ADARB2: variants seen among roughly 807,000 people sequenced by gnomAD.
ADARB2 encodes the protein adenosine deaminase RNA specific B2 (inactive).
ADARB2 carries 25 observed loss-of-function variants against 62.2 expected under a neutral mutation model. The ratio of observed to expected loss-of-function variants is 0.40; its 90% CI spans 0.29 to 0.56. The LOEUF (loss-of-function observed/expected upper bound fraction) is 0.56, where lower values mean the gene tolerates loss of function less well. Ranked by LOEUF, ADARB2 falls within the 20% of genes least tolerant of loss-of-function variation. ADARB2 has a pLI of 0.43. For missense variants in ADARB2, 1,071 were observed against 1,077.4 expected (o/e 0.99, Z 0.08); for synonymous variants, 572 against 500.8 (o/e 1.14, Z -1.90).
chr10:1,374,166 C>T (rs1832401750), intron 2 of ADARB2, among the ~76,000 whole-genome samples: 1 of 152,182 alleles, frequency 6.6e-6, no homozygotes, highest in Non-Finnish European at 1.5e-5. Context: ...TGGGCGGCAC[C>T]AGGTTTTCAG....
intron 8 of ADARB2, among the ~76,000 whole-genome samples, chr10:1,199,215 C>CCT (rs1564217566): frequency 1.1e-5 from 1 of 90,744 alleles, no homozygotes; most frequent in Non-Finnish European, 2.6e-5. Flanking sequence ...CGGAAACCCA[C>CCT]CCCCCCGCTT....
Position 1,737,343 on chromosome 10 carries a change from A to G in ADARB2, c.-193T>C, listed in dbSNP as rs1835315236. The G allele has an allele frequency of 1.7e-6, 1 of 590,902 alleles. No homozygotes were observed. Among genetic ancestry groups the G allele is most frequent in the South Asian group, 2.1e-5 (1 of 47,022 alleles). 36.6% of individuals were successfully genotyped at this position (590,902 alleles called of 1,614,324 possible). On this transcript the variant is annotated 5_prime_UTR_variant, in exon 1 of 10. Transcript: ENST00000381312. ...GAATTGTTCTCTATGACTTGCTCCC[A>G]CTGGGCTGGGGGCCTCGGCTGGGCG...
Position 1,327,319 on chromosome 10 carries a change from T to C in ADARB2, c.1077+35709A>G, listed in dbSNP as rs866953028. On this transcript the variant is annotated intron_variant, in intron 3 of 9. Coordinates refer to ENST00000381312, the MANE Select transcript of ADARB2 (RefSeq NM_018702.4). ...CGCCTCCCCACGGCACAGCACCTCC[T>C]CACTGCACAGCGCCTCCTCACTGCA... Among the ~76,000 whole-genome samples, 85 of 35,880 alleles carry C rather than the reference T, an allele frequency of 2.4e-3. 5 individuals carry two copies. The highest frequency in any genetic ancestry group is 2.8e-3 in the Non-Finnish European group (52 of 18,372). The allele number at this position is 35,880 out of a possible 152,430, so 23.5% of individuals were successfully genotyped here.
intron 1 of ADARB2, among the ~76,000 whole-genome samples, chr10:1,439,621 G>A (rs996308728): frequency 1.4e-5 from 2 of 138,524 alleles, no homozygotes; most frequent in South Asian, 2.6e-4. Context: ...TCATGATGGG[G>A]CTCCTGAGTC....
intron 1 of ADARB2, among the ~76,000 whole-genome samples, chr10:1,388,330 G>A (rs1832541089): frequency 6.6e-6 from 1 of 152,118 alleles, no homozygotes; most frequent in African/African-American, 2.4e-5. Flanking sequence ...ACAAGGCAGG[G>A]ATGTCTGCCT....
intron 1 of ADARB2, among the ~76,000 whole-genome samples, chr10:1,735,340 ACTTT>A (rs1482713948): frequency 1.3e-5 from 2 of 152,228 alleles, no homozygotes; most frequent in Non-Finnish European, 2.9e-5. Flanking sequence ...TAAATTGAAT[ACTTT>A]CTAAGCTAGC....
chr10:1,640,829 T>C (rs1455007106), intron 1 of ADARB2, among the ~76,000 whole-genome samples: 2 of 152,164 alleles, frequency 1.3e-5, no homozygotes, highest in African/African-American at 4.8e-5. Context: ...CAATGGTAAA[T>C]GGTGAATTTT....
intron 1 of ADARB2, among the ~76,000 whole-genome samples, chr10:1,702,018 G>A (rs1564199045): frequency 6.6e-6 from 1 of 152,240 alleles, no homozygotes; most frequent in African/African-American, 2.4e-5. Context: ...AAGACAAAGA[G>A]AAAGAAGTGG....
At chr10:1,566,517 GT>G (rs1212399954) in intron 1 of ADARB2, among the ~76,000 whole-genome samples, 1 of 152,134 alleles carries the variant, frequency 6.6e-6, no homozygotes, top group African/African-American at 2.4e-5. Context: ...AATGGACAGC[GT>G]TTTAGTGGTT....
intron 1 of ADARB2, among the ~76,000 whole-genome samples, chr10:1,650,757 G>A (rs377278796): frequency 1.3e-5 from 2 of 152,370 alleles, no homozygotes; most frequent in East Asian, 3.9e-4. Context: ...AGGTCTGACA[G>A]TTAATGACAC....
At chr10:1,569,698 T>C (rs1438272407) in intron 1 of ADARB2, among the ~76,000 whole-genome samples, 3 of 152,216 alleles carry the variant, frequency 2.0e-5, no homozygotes, top group Admixed American at 6.5e-5. Flanking sequence ...TAATTGGCCA[T>C]AAATTTGATC....
intron 1 of ADARB2, among the ~76,000 whole-genome samples, chr10:1,588,708 C>T (rs570357539): frequency 6.6e-6 from 1 of 152,186 alleles, no homozygotes; most frequent in Non-Finnish European, 1.5e-5. Context: ...GACAGCCCGA[C>T]CCTGGATGGA....
intron 1 of ADARB2, among the ~76,000 whole-genome samples, chr10:1,394,708 C>A (rs1832596756): frequency 6.6e-6 from 1 of 152,170 alleles, no homozygotes; most frequent in African/African-American, 2.4e-5. Context: ...TCACTGACAA[C>A]CTGCCTGGGG....
At chr10:1,218,585 G>A (rs993622577) in intron 6 of ADARB2, among the ~76,000 whole-genome samples, 1 of 152,138 alleles carries the variant, frequency 6.6e-6, no homozygotes, top group Non-Finnish European at 1.5e-5. Context: ...TGGGATCCGT[G>A]TCCCCACTGA....
rs762931820 is a variant in ADARB2, at chr10:1,465,438, G to T, written c.101-86278C>A. The stretch of plus-strand genomic sequence containing the variant: ...CTCTTAGTTGGAAAACATCGAAGGA[G>T]TGCTTGCAGCTGCCTGCCCCTCCGA... On this transcript the variant is annotated intron_variant, in intron 1 of 9. Coordinates refer to ENST00000381312, the MANE Select transcript of ADARB2 (RefSeq NM_018702.4). 2.0e-5 allele frequency among the ~76,000 whole-genome samples: 3 copies of T among 152,346 alleles called. No homozygotes were observed. The East Asian group carries it at 5.8e-4, about 29-fold the overall frequency.
chr10:1,662,409 C>T (rs1834260151), intron 1 of ADARB2, among the ~76,000 whole-genome samples: 1 of 152,118 alleles, frequency 6.6e-6, no homozygotes, highest in African/African-American at 2.4e-5. Flanking sequence ...TGCAGAGCTT[C>T]CCCATGGACC....
chr10:1,367,194 C>G (rs894957667), intron 2 of ADARB2, among the ~76,000 whole-genome samples: 3 of 152,238 alleles, frequency 2.0e-5, no homozygotes, highest in African/African-American at 7.2e-5. Flanking sequence ...GCTGCCTGCC[C>G]GTTCAGCTCG....
rs557024271 is a variant in ADARB2 at position 1,570,104 on chromosome 10, C to T, written c.100+166947G>A. ...TCTCATTCACATACAAACGTATATA[C>T]GTTAAAATTACCTTAAAACTTCAGT... On this transcript the variant is annotated intron_variant, in intron 1 of 9. Coordinates refer to ENST00000381312, the MANE Select transcript of ADARB2 (RefSeq NM_018702.4). 3.9e-5 allele frequency among the ~76,000 whole-genome samples: 6 copies of T among 152,102 alleles called. No individual in the cohort carries two copies. In the East Asian group the frequency reaches 7.7e-4, roughly 20 times the overall value.
chr10:1,674,987 G>T (rs1473192842), intron 1 of ADARB2: 127 of 617,620 alleles, frequency 2.1e-4, no homozygotes, highest in Admixed American at 8.1e-4. Flanking sequence ...GGTTTGGGGG[G>T]TACATGGATA....
Sources: gnomAD v4.1 joint callset for allele counts (sites outside exome capture counted in the v4.1 genomes callset) on GRCh38, gnomAD v4.1.1 for gene constraint, MANE v1.5 for transcripts, NCBI Gene and HGNC (gene_info 2026-07-23, HGNC 2026-07-21) for gene names.